ACBD6: variants seen among roughly 807,000 people sequenced by gnomAD.
ACBD6 encodes the protein acyl-CoA binding domain containing 6.
Under a neutral mutation model 37.2 loss-of-function variants are expected in ACBD6, and 28 were observed. That is an observed-to-expected ratio of 0.75 (90% CI 0.56 to 1.03). The LOEUF (loss-of-function observed/expected upper bound fraction) is 1.03, where lower values mean the gene tolerates loss of function less well. Ranked by LOEUF, ACBD6 falls within the 50% of genes least tolerant of loss-of-function variation. ACBD6 has a pLI of 0.00. For synonymous variants in ACBD6, 113 were observed against 126.8 expected (o/e 0.89, Z 0.73); for missense variants, 340 against 337.4 (o/e 1.01, Z -0.06).
intron 10 of ACBD6, chr1:180,274,221 G>C (rs746499170): frequency 1.9e-6 from 3 of 1,614,230 alleles, no homozygotes; most frequent in Non-Finnish European, 2.5e-6. Flanking sequence ...CACACCAATA[G>C]GATTTATGGC....
chr1:180,280,941 C>T (rs904369528), intron 9 of ACBD6, among the ~76,000 whole-genome samples: 2 of 152,138 alleles, frequency 1.3e-5, no homozygotes, highest in African/African-American at 4.8e-5. Context: ...TTTGGGTAGC[C>T]TAACTTGTCT....
chr1:180,381,347 T>C (rs956564558), intron 6 of ACBD6, among the ~76,000 whole-genome samples: 2 of 152,204 alleles, frequency 1.3e-5, no homozygotes. Flanking sequence ...GGATTTAAAC[T>C]GCACATTAGA....
At chr1:180,396,514 C>T (rs1442489483) in intron 6 of ACBD6, among the ~76,000 whole-genome samples, 2 of 151,970 alleles carry the variant, frequency 1.3e-5, no homozygotes, top group Non-Finnish European at 2.9e-5. Flanking sequence ...AGAAAACCCA[C>T]AAAAAGGGAG....
intron 4 of ACBD6, among the ~76,000 whole-genome samples, chr1:180,426,441 C>T (rs1183230681): frequency 6.6e-6 from 1 of 152,090 alleles, no homozygotes; most frequent in Non-Finnish European, 1.5e-5. Context: ...CTCTACAAAC[C>T]CCTATGCTTA....
intron 3 of ACBD6, among the ~76,000 whole-genome samples, chr1:180,461,359 C>A (rs2102042763): frequency 6.6e-6 from 1 of 152,264 alleles, no homozygotes; most frequent in Middle Eastern, 3.4e-3. Flanking sequence ...CTTTCCCAAC[C>A]TTACTAGACA....
intron 3 of ACBD6, among the ~76,000 whole-genome samples, chr1:180,454,416 A>G (rs1339482700): frequency 6.6e-6 from 1 of 152,196 alleles, no homozygotes; most frequent in Non-Finnish European, 1.5e-5. Flanking sequence ...TAAAACTATA[A>G]AAACCCTAGA....
intron 6 of ACBD6, among the ~76,000 whole-genome samples, chr1:180,334,624 G>A (rs151323464): frequency 0.071 from 10,829 of 152,262 alleles, 418 homozygotes; most frequent in African/African-American, 0.11. Context: ...CCAAAGGAAC[G>A]CAGCTCCTCA....
At chr1:180,337,831 A>G (rs1651804922) in intron 6 of ACBD6, among the ~76,000 whole-genome samples, 1 of 152,208 alleles carries the variant, frequency 6.6e-6, no homozygotes, top group Non-Finnish European at 1.5e-5. Context: ...TCAATGTGCA[A>G]AAATCACAAG....
rs144949804 is a variant in ACBD6, at chr1:180,401,509, C to T, written c.574-3904G>A. ...AAAAAGAGAAGAGATTCTGGCCAGG[C>T]GCGGTGGCTTACATCTGTAATCCCA... On this transcript the variant is annotated intron_variant, in intron 5 of 7. Transcript: ENST00000367595. 2.8e-4 allele frequency among the ~76,000 whole-genome samples: 42 copies of T among 151,954 alleles called. No homozygotes were observed. In the East Asian group the frequency reaches 6.6e-3, roughly 24 times the overall value.
chr1:180,445,558 A>G (rs1266858689), intron 3 of ACBD6, among the ~76,000 whole-genome samples: 1 of 152,222 alleles, frequency 6.6e-6, no homozygotes, highest in Non-Finnish European at 1.5e-5. Context: ...TTCAGAAAGA[A>G]AAACTAGCCA....
intron 6 of ACBD6, among the ~76,000 whole-genome samples, chr1:180,335,035 T>C (rs931145733): frequency 5.9e-5 from 9 of 152,168 alleles, no homozygotes; most frequent in East Asian, 1.9e-4. Flanking sequence ...CTACTTCTGA[T>C]TGGTGTACCT....
chr1:180,413,612 T>C (rs1571476082), intron 4 of ACBD6, 141 bp from the exon 5 acceptor site: 1 of 643,388 alleles, frequency 1.6e-6, no homozygotes, highest in South Asian at 1.9e-5. Flanking sequence ...TAACAGTTTT[T>C]CAGTAGCTGT....
chr1:180,363,522 A>G (rs1652923224), intron 6 of ACBD6, among the ~76,000 whole-genome samples: 1 of 152,206 alleles, frequency 6.6e-6, no homozygotes. Flanking sequence ...AGTTGATGAA[A>G]AAGCAGGAAA....
chr1:180,428,737 T>C (rs1557866198), intron 4 of ACBD6, among the ~76,000 whole-genome samples: 1 of 152,248 alleles, frequency 6.6e-6, no homozygotes, highest in Non-Finnish European at 1.5e-5. Flanking sequence ...AAGATCATTA[T>C]GATTTACAGA....
intron 6 of ACBD6, among the ~76,000 whole-genome samples, chr1:180,373,336 A>G (rs951893577): frequency 1.3e-5 from 2 of 152,248 alleles, no homozygotes; most frequent in Non-Finnish European, 1.5e-5. Context: ...GAGTTTCATT[A>G]GAGAGTAACT....
At chr1:180,435,902 G>T in intron 3 of ACBD6, 1 of 1,389,938 alleles carries the variant, frequency 7.2e-7, no homozygotes, top group East Asian at 2.3e-5. Flanking sequence ...CGTCAATGGT[G>T]GTGGCCACAA....
At chr1:180,415,418 C>CAA (rs796582810) in intron 4 of ACBD6, among the ~76,000 whole-genome samples, 11 of 138,432 alleles carry the variant, frequency 7.9e-5, no homozygotes, top group East Asian at 4.1e-4. Flanking sequence ...CAAACACACG[C>CAA]AAAAAAAAAA....
chr1:180,436,521 T>A (rs1055086604), intron 3 of ACBD6, among the ~76,000 whole-genome samples: 1 of 152,218 alleles, frequency 6.6e-6, no homozygotes, highest in Non-Finnish European at 1.5e-5. Flanking sequence ...TCAGGACTTA[T>A]TCCTTCTTGC....
intron 6 of ACBD6, among the ~76,000 whole-genome samples, chr1:180,320,651 T>TA (rs951118114): frequency 2.6e-5 from 4 of 151,734 alleles, no homozygotes; most frequent in Non-Finnish European, 5.9e-5. Flanking sequence ...AAAATAAAAA[T>TA]AAAAAAAATG....
Sources: allele counts gnomAD v4.1 joint callset (sites outside exome capture counted in the v4.1 genomes callset), GRCh38; gene constraint gnomAD v4.1.1; transcripts MANE v1.5; gene names NCBI Gene and HGNC (gene_info 2026-07-23, HGNC 2026-07-21).